MRPL39: variants seen among roughly 807,000 people sequenced by gnomAD.
MRPL39 encodes the protein mitochondrial ribosomal protein L39.
Under a neutral mutation model 44.5 loss-of-function variants are expected in MRPL39, and 35 were observed. The observed-to-expected ratio is 0.79, with a 90% confidence interval of 0.60 to 1.04. The LOEUF is 1.04. Among genes scored for constraint, MRPL39 ranks in the 50% least tolerant of loss-of-function variants. The pLI, the probability that MRPL39 is intolerant of heterozygous loss-of-function variation, is 0.00. For synonymous variants in MRPL39, 139 were observed against 136.1 expected (o/e 1.02, Z -0.15); for missense variants, 433 against 413.5 (o/e 1.05, Z -0.41).
chr21:25,600,395 TAAAA>T (rs35118180), intron 4 of MRPL39, among the ~76,000 whole-genome samples: 1 of 78,580 alleles, frequency 1.3e-5, no homozygotes, highest in Non-Finnish European at 2.4e-5. Context: ...GACTCCGTCT[TAAAA>T]AAAAAAAAAA....
At chr21:25,606,216 G>A (rs1264481859) in intron 2 of MRPL39, among the ~76,000 whole-genome samples, 1 of 152,222 alleles carries the variant, frequency 6.6e-6, no homozygotes, top group Admixed American at 6.5e-5. Flanking sequence ...CTGGCCTCAA[G>A]CTATCCTCCT....
chr21:25,593,918 G>T lies in MRPL39; in HGVS notation c.742C>A (p.Pro248Thr), dbSNP rs757104478. ...DFIEEKASQNPERIVKLHRIG... is the reference protein window; with the variant it reads ...DFIEEKASQNTERIVKLHRIG... ...CTGTGTAGCTTGACTATTCTCTCAG[G>T]GTTCTGAGATGCCTTCTCTTCTATG... Residue 248 changes from proline to threonine, a missense_variant, in exon 7 of 10, where the codon CCT becomes ACT. Physicochemically the swap from Pro to Thr is conservative, Grantham distance 38. Coordinates refer to ENST00000352957, the MANE Select transcript of MRPL39 (RefSeq NM_017446.4). The T allele has an allele frequency of 6.2e-7, 1 of 1,613,470 alleles. No individual in the cohort carries two copies. The highest frequency in any genetic ancestry group is 8.5e-7 in the Non-Finnish European group (1 of 1,179,772).
At position 25,601,454 on chromosome 21, in the gene MRPL39, G is replaced by A. The variant is rs2031521808; in HGVS notation, c.434C>T (p.Ser145Phe). 1 of 1,584,236 alleles carries A rather than the reference G, an allele frequency of 6.3e-7. No homozygotes were observed. The highest frequency in any genetic ancestry group is 8.6e-7 in the Non-Finnish European group (1 of 1,164,588). The change falls in exon 4 of 10, where the codon TCC (serine) becomes TTC (phenylalanine). Residue 145 changes from serine to phenylalanine, a missense_variant. Physicochemically the swap from Ser to Phe is radical, Grantham distance 155. Coordinates refer to ENST00000352957, the MANE Select transcript of MRPL39 (RefSeq NM_017446.4). ...CACACAGCCCATCATCATAGCACAG[G>A]AACGCCAATATGCCTAGAAAAAAAA... is the stretch of plus-strand genomic sequence containing the variant. ...PGEVNKAYWR[S>F]CAMMMGCVIE...
chr21:25,600,287 T>C (rs1334278910), intron 4 of MRPL39, among the ~76,000 whole-genome samples: 1 of 150,406 alleles, frequency 6.6e-6, no homozygotes, highest in Non-Finnish European at 1.5e-5. Context: ...TCCCAGCTAC[T>C]TGGGAGTCTG....
intron 3 of MRPL39, among the ~76,000 whole-genome samples, chr21:25,603,300 A>T (rs1284715783): frequency 6.6e-6 from 1 of 152,170 alleles, no homozygotes; most frequent in Non-Finnish European, 1.5e-5. Context: ...CAGGGCCTGG[A>T]AAGCTATGTG....
At chr21:25,600,055 T>C (rs1247912728) in intron 4 of MRPL39, among the ~76,000 whole-genome samples, 189 bp from the exon 5 acceptor site, 2 of 152,216 alleles carry the variant, frequency 1.3e-5, no homozygotes, top group African/African-American at 4.8e-5. Flanking sequence ...GCCAAAAGAT[T>C]GTCAACCCCA....
intron 4 of MRPL39, among the ~76,000 whole-genome samples, chr21:25,600,575 T>A (rs113224068): frequency 8.2e-4 from 6 of 7,336 alleles, no homozygotes; most frequent in Admixed American, 2.6e-3. Flanking sequence ...TCTACTTCTT[T>A]AAAAAAAAAA....
chr21:25,591,671 A>G (rs1157076005), intron 8 of MRPL39, among the ~76,000 whole-genome samples: 1 of 151,846 alleles, frequency 6.6e-6, no homozygotes, highest in Non-Finnish European at 1.5e-5. Flanking sequence ...AAAAGTAGTG[A>G]CAGCATCAAA....
intron 2 of MRPL39, among the ~76,000 whole-genome samples, chr21:25,605,502 A>G (rs1408837624): frequency 6.6e-6 from 1 of 152,220 alleles, no homozygotes; most frequent in Non-Finnish European, 1.5e-5. Context: ...AAGTTAGGCT[A>G]TACAATGAAG....
At chr21:25,592,500 T>C (rs1251812680) in intron 8 of MRPL39, among the ~76,000 whole-genome samples, 3 of 152,166 alleles carry the variant, frequency 2.0e-5, no homozygotes. Context: ...AAATTTAAGC[T>C]TAAAAGGCAT....
chr21:25,607,311 C>T, intron 1 of MRPL39, 92 bp downstream of exon 1: 2 of 1,413,898 alleles, frequency 1.4e-6, no homozygotes, highest in South Asian at 2.3e-5. Flanking sequence ...TCCTCTGCCC[C>T]GCGGGACCTC....
rs61735760 is a variant in MRPL39 at position 25,607,440 on chromosome 21, C to T, written c.36G>A (p.Arg12=). The T allele has an allele frequency of 3.0e-3, 4,841 of 1,613,212 alleles. 117 individuals carry two copies. The African/African-American group carries it at 0.053, about 18-fold the overall frequency. Residue 12 remains arginine, a synonymous_variant, in exon 1 of 10, where the codon CGG becomes CGA. Coordinates refer to ENST00000352957, the MANE Select transcript of MRPL39 (RefSeq NM_017446.4). ...EALAMGSRAL[R]LWLVAPGGGI... is the part of the protein sequence containing the mutation. ...CGCCACCGGGTGCGACCAGCCAGAG[C>T]CGCAGCGCCCGGGAACCCATGGCCA...
In MRPL39 at chr21:25,606,457, C is replaced by T. The variant is rs570242707; in HGVS notation, c.272G>A (p.Cys91Tyr). The T allele has an allele frequency of 6.2e-7, 1 of 1,602,246 alleles. No individual in the cohort carries two copies. Among genetic ancestry groups the T allele is most frequent in the South Asian group, 1.1e-5 (1 of 89,208 alleles). ...CTGATTCTGCTACTTACGCATGGCA[C>T]AACTGTAGGGAGTTGAAATGTTTTT... ...MNKNISTPYSCAMHLSEWYCR... is the reference protein window; with the variant it reads ...MNKNISTPYSYAMHLSEWYCR... The change falls in exon 2 of 10, where the codon TGT becomes TAT. Residue 91 changes from cysteine (C) to tyrosine (Y), a missense_variant. Coordinates refer to ENST00000352957, the MANE Select transcript of MRPL39 (RefSeq NM_017446.4).
At chr21:25,595,972 A>G (rs2031343671) in intron 6 of MRPL39, among the ~76,000 whole-genome samples, 1 of 152,346 alleles carries the variant, frequency 6.6e-6, no homozygotes, top group East Asian at 1.9e-4. Context: ...GTACATTACA[A>G]CTGGTTTCTA....
chr21:25,595,322 CCT>C (rs766170718), intron 6 of MRPL39, among the ~76,000 whole-genome samples: 9 of 152,174 alleles, frequency 5.9e-5, no homozygotes, highest in Non-Finnish European at 8.8e-5. Context: ...GCTCCTGTCC[CCT>C]GAGAGTCAAA....
At chr21:25,587,527 C>G (rs2123221134) in intron 9 of MRPL39, among the ~76,000 whole-genome samples, 1 of 152,144 alleles carries the variant, frequency 6.6e-6, no homozygotes, top group South Asian at 2.1e-4. Context: ...CTTGGGTAAC[C>G]CCTTCATGTG....
chr21:25,603,982 A>G, intron 2 of MRPL39, 47 bp from the exon 3 acceptor site: 1 of 1,553,122 alleles, frequency 6.4e-7, no homozygotes, highest in Non-Finnish European at 8.8e-7. Context: ...CCAGAGTGAA[A>G]AGTTACATGT....
At chr21:25,590,347 A>G (rs2031134555) in intron 8 of MRPL39, among the ~76,000 whole-genome samples, 1 of 151,986 alleles carries the variant, frequency 6.6e-6, no homozygotes, top group Non-Finnish European at 1.5e-5. Flanking sequence ...TGGACCACAC[A>G]TAAAATATAC....
chr21:25,599,448 T>G (rs1220555154), intron 5 of MRPL39, among the ~76,000 whole-genome samples: 1 of 152,136 alleles, frequency 6.6e-6, no homozygotes, highest in Non-Finnish European at 1.5e-5. Flanking sequence ...TGGGTCAAGA[T>G]AGTTAAGTTT....
Sources: allele counts gnomAD v4.1 joint callset (sites outside exome capture counted in the v4.1 genomes callset), GRCh38; gene constraint gnomAD v4.1.1; transcripts MANE v1.5; gene names NCBI Gene and HGNC (gene_info 2026-07-23, HGNC 2026-07-21).